PTPRD: variants seen among roughly 807,000 people sequenced by gnomAD.
PTPRD encodes protein tyrosine phosphatase receptor type D, also known as receptor-type tyrosine-protein phosphatase delta.
In PTPRD, 34 loss-of-function variants were observed where a neutral mutation model predicts 214.5. That is an observed-to-expected ratio of 0.16 (90% CI 0.12 to 0.21). PTPRD has a LOEUF of 0.21. PTPRD is among the 10% of genes least tolerant of loss of function. The pLI, the probability that PTPRD is intolerant of heterozygous loss-of-function variation, is 1.00. For synonymous variants in PTPRD, 1,128 were observed against 845.7 expected, an observed-to-expected ratio of 1.33 and a Z score of -5.79; for missense variants, 2,545 against 2,398.7, an observed-to-expected ratio of 1.06 and a Z score of -1.27.
intron 10 of PTPRD, among the ~76,000 whole-genome samples, chr9:9,040,002 T>C (rs1159236109): frequency 1.3e-5 from 2 of 151,864 alleles, no homozygotes; most frequent in Admixed American, 1.3e-4. Flanking sequence ...TCTGGCAGCA[T>C]TTAAAAAATT....
chr9:9,901,476 C>T (rs2076382290), intron 5 of PTPRD, among the ~76,000 whole-genome samples: 1 of 151,934 alleles, frequency 6.6e-6, no homozygotes, highest in East Asian at 1.9e-4. Context: ...TACATTAACA[C>T]AGTAATTTCT....
At position 8,820,210 on chromosome 9, in the gene PTPRD, G is replaced by A. The variant is rs150042581; in HGVS notation, c.-103-86264C>T. Among the ~76,000 whole-genome samples, 4 of 152,104 alleles carry A rather than the reference G, an allele frequency of 2.6e-5. No homozygotes were observed. The East Asian group carries it at 7.8e-4, about 30-fold the overall frequency. On this transcript the variant is annotated intron_variant, in intron 11 of 45. Transcript: ENST00000381196. ...TAATATAACCACAAATAATACAGGT[G>A]CAATTCTGATGTCTACTGCACAGAT...
At chr9:8,703,788 T>A (rs2098141132) in intron 12 of PTPRD, among the ~76,000 whole-genome samples, 1 of 152,142 alleles carries the variant, frequency 6.6e-6, no homozygotes, top group Non-Finnish European at 1.5e-5. Context: ...GTTTTCTGAG[T>A]TCTGGATTCA....
chr9:9,794,102 G>C (rs1440507024), intron 5 of PTPRD, among the ~76,000 whole-genome samples: 1 of 151,710 alleles, frequency 6.6e-6, no homozygotes, highest in Non-Finnish European at 1.5e-5. Context: ...AGCTCATCAA[G>C]AGAGTTAGAC....
chr9:8,519,695 C>T (rs1392770238), intron 20 of PTPRD, among the ~76,000 whole-genome samples: 1 of 152,124 alleles, frequency 6.6e-6, no homozygotes, highest in Non-Finnish European at 1.5e-5. Flanking sequence ...TGAGTCAGCA[C>T]CCATTCACCT....
chr9:9,817,745 T>C (rs145386805), intron 5 of PTPRD, among the ~76,000 whole-genome samples: 247 of 152,306 alleles, frequency 1.6e-3, no homozygotes, highest in African/African-American at 5.7e-3. Context: ...ATAACTGTCC[T>C]GATACAAGGG....
At chr9:8,384,625 C>T (rs2086337430) in intron 37 of PTPRD, among the ~76,000 whole-genome samples, 1 of 152,148 alleles carries the variant, frequency 6.6e-6, no homozygotes, top group African/African-American at 2.4e-5. Context: ...TCTCCCGGGT[C>T]AAGCGATTCT....
intron 9 of PTPRD, among the ~76,000 whole-genome samples, chr9:9,202,015 G>A (rs978944468): frequency 3.9e-5 from 6 of 152,172 alleles, no homozygotes; most frequent in African/African-American, 1.2e-4. Context: ...AACTTTTGGT[G>A]GAGTTCAGTG....
chr9:9,364,147 G>A (rs148485517), intron 9 of PTPRD, among the ~76,000 whole-genome samples: 50 of 151,488 alleles, frequency 3.3e-4, no homozygotes, highest in African/African-American at 1.2e-3. Flanking sequence ...TTAGCTTTGG[G>A]AATAGAAATA....
intron 3 of PTPRD, among the ~76,000 whole-genome samples, chr9:10,207,456 G>C (rs1307792782): frequency 6.6e-6 from 1 of 150,746 alleles, no homozygotes; most frequent in African/African-American, 2.4e-5. Flanking sequence ...TAACTAGAAA[G>C]GGTTCACTCT....
intron 10 of PTPRD, among the ~76,000 whole-genome samples, chr9:9,181,815 C>T (rs1218848611): frequency 6.6e-6 from 1 of 151,826 alleles, no homozygotes; most frequent in African/African-American, 2.4e-5. Context: ...CTAGATCAGA[C>T]AGAAATAGAA....
intron 14 of PTPRD, among the ~76,000 whole-genome samples, chr9:8,567,711 G>C (rs966606746): frequency 6.6e-6 from 1 of 152,102 alleles, no homozygotes; most frequent in Non-Finnish European, 1.5e-5. Flanking sequence ...ATTTTTAAAT[G>C]CCTCAATGAA....
chr9:8,673,226 G>A (rs888314418), intron 12 of PTPRD, among the ~76,000 whole-genome samples: 5 of 151,566 alleles, frequency 3.3e-5, no homozygotes, highest in South Asian at 2.1e-4. Context: ...ACACACATAC[G>A]CACAGCTAAA....
chr9:9,975,067 G>T (rs1192890681), intron 4 of PTPRD, among the ~76,000 whole-genome samples: 1 of 151,912 alleles, frequency 6.6e-6, no homozygotes, highest in African/African-American at 2.4e-5. Flanking sequence ...ACAATCAACT[G>T]AGGATTTCTT....
At chr9:9,328,614 CTTGCTT>C (rs2041009016) in intron 9 of PTPRD, among the ~76,000 whole-genome samples, 3 of 39,104 alleles carry the variant, frequency 7.7e-5, no homozygotes, top group African/African-American at 2.3e-4. Flanking sequence ...TGTTGTTGTT[CTTGCTT>C]TTTTTTTTTT....
chr9:8,837,560 T>G (rs566156786), intron 11 of PTPRD, among the ~76,000 whole-genome samples: 4 of 152,206 alleles, frequency 2.6e-5, no homozygotes, highest in Non-Finnish European at 4.4e-5. Context: ...TGGAGTACAG[T>G]AGCACAATCG....
rs192063309 is a variant in PTPRD at position 10,458,568 on chromosome 9, A to G, written c.-599-117551T>C. Among the ~76,000 whole-genome samples the G allele has an allele frequency of 1.5e-4, 23 of 152,324 alleles. No homozygotes were observed. The East Asian group carries it at 3.3e-3, about 22-fold the overall frequency. The stretch of plus-strand genomic sequence containing the variant: ...CACCGTAGTAAAGGACATTTGTTTA[A>G]AAAGCACAGCTAACATCATAATAAG... On this transcript the variant is annotated intron_variant, in intron 2 of 45. Coordinates refer to ENST00000381196, the MANE Select transcript of PTPRD (RefSeq NM_002839.4).
At chr9:9,781,609 G>A (rs1055951149) in intron 5 of PTPRD, among the ~76,000 whole-genome samples, 2 of 152,124 alleles carry the variant, frequency 1.3e-5, no homozygotes, top group Non-Finnish European at 2.9e-5. Flanking sequence ...CTGAAATACA[G>A]TAGGTGCTCA....
At chr9:8,985,812 C>A (rs1022951682) in intron 11 of PTPRD, among the ~76,000 whole-genome samples, 6 of 152,074 alleles carry the variant, frequency 3.9e-5, no homozygotes, top group African/African-American at 1.4e-4. Flanking sequence ...TTATTGAATG[C>A]CTCTTTTAAA....
Sources: gnomAD v4.1 joint callset for allele counts (sites outside exome capture counted in the v4.1 genomes callset) on GRCh38, gnomAD v4.1.1 for gene constraint, MANE v1.5 for transcripts, NCBI Gene and HGNC (gene_info 2026-07-23, HGNC 2026-07-21) for gene names.